Variants in LRP2 observed in about 807,000 individuals in gnomAD.
LRP2 encodes low-density lipoprotein receptor-related protein 2.
A neutral mutation model predicts 531.0 loss-of-function variants in LRP2; 172 were observed. That is an observed-to-expected ratio of 0.32 (90% CI 0.29 to 0.37). LRP2 has a LOEUF of 0.37. Among genes scored for constraint, LRP2 ranks in the 10% least tolerant of loss-of-function variants. The pLI, the probability that LRP2 is intolerant of heterozygous loss-of-function variation, is 1.00. For synonymous variants in LRP2, 1,992 were observed against 2,027.6 expected, an observed-to-expected ratio of 0.98 and a Z score of 0.47; for missense variants, 5,167 against 5,868.3, an observed-to-expected ratio of 0.88 and a Z score of 3.90.
At chr2:169,361,109 G>A (rs1686136484) in intron 1 of LRP2, among the ~76,000 whole-genome samples, 1 of 152,096 alleles carries the variant, frequency 6.6e-6, no homozygotes, top group Non-Finnish European at 1.5e-5. Flanking sequence ...CCGACGGGAG[G>A]GAAGGAGCAG....
intron 1 of LRP2, among the ~76,000 whole-genome samples, chr2:169,350,173 A>T (rs1424335544): frequency 6.6e-6 from 1 of 152,208 alleles, no homozygotes; most frequent in East Asian, 1.9e-4. Flanking sequence ...AGTAGGATAC[A>T]GTTTGAGGCT....
chr2:169,205,679 C>T (rs767811630), intron 40 of LRP2, 42 bp from the exon 41 acceptor site: 6 of 1,567,526 alleles, frequency 3.8e-6, no homozygotes, highest in South Asian at 1.1e-5. Flanking sequence ...CACAGGGAAC[C>T]TCATAGTCCT....
At chr2:169,343,520 C>T (rs769074128) in intron 1 of LRP2, among the ~76,000 whole-genome samples, 23 of 152,144 alleles carry the variant, frequency 1.5e-4, no homozygotes, top group African/African-American at 5.6e-4. Flanking sequence ...GAATGCTCAC[C>T]AAGTGCCAGG....
chr2:169,232,118 A>C (rs552063848), intron 30 of LRP2, among the ~76,000 whole-genome samples: 3 of 152,302 alleles, frequency 2.0e-5, no homozygotes, highest in Admixed American at 2.0e-4. Context: ...GATTACGAAC[A>C]AACAGCCACT....
chr2:169,243,860 A>G (rs1689906152), intron 22 of LRP2, among the ~76,000 whole-genome samples: 2 of 152,176 alleles, frequency 1.3e-5, no homozygotes, highest in South Asian at 4.1e-4. Context: ...AAGCCAAGCA[A>G]TGGAGCCCAA....
At chr2:169,216,807 C>G (rs1246504080) in intron 34 of LRP2, among the ~76,000 whole-genome samples, 1 of 152,142 alleles carries the variant, frequency 6.6e-6, no homozygotes, top group Non-Finnish European at 1.5e-5. Flanking sequence ...AAAAAGCTGC[C>G]AAGTACACTC....
At chr2:169,247,588 A>G in intron 19 of LRP2, 73 bp from the exon 20 acceptor site, 1 of 1,510,334 alleles carries the variant, frequency 6.6e-7, no homozygotes, top group Non-Finnish European at 9.2e-7. Flanking sequence ...GAGAAAATGC[A>G]ATAGGCTTGA....
rs1687839627 is a variant in LRP2 at position 169,191,812 on chromosome 2, C to A, written c.9032+20G>T. On this transcript the variant is annotated intron_variant, in intron 48 of 78. Coordinates refer to ENST00000649046, the MANE Select transcript of LRP2 (RefSeq NM_004525.3). ...TGGACATTTGAGGCATGCTGGGTAA[C>A]TTCTGAATCCTCAATTCACCTGAAT... 1.2e-6 allele frequency: 2 copies of A among 1,611,738 alleles called. No individual in the cohort carries two copies. Among genetic ancestry groups the A allele is most frequent in the East Asian group, 2.2e-5 (1 of 44,876 alleles).
intron 35 of LRP2, 107 bp from the exon 36 acceptor site, chr2:169,213,977 C>T (rs1559020880): frequency 3.9e-6 from 3 of 767,802 alleles, no homozygotes; most frequent in Non-Finnish European, 6.8e-6. Context: ...ATACAGCCCT[C>T]TATCCCTTAC....
chr2:169,183,237 G>A (rs1687505978), intron 50 of LRP2, among the ~76,000 whole-genome samples: 1 of 152,188 alleles, frequency 6.6e-6, no homozygotes, highest in South Asian at 2.1e-4. Flanking sequence ...CATTCATGCT[G>A]GATATCTGAA....
intron 1 of LRP2, among the ~76,000 whole-genome samples, chr2:169,324,519 C>T (rs1431644988): frequency 6.6e-6 from 1 of 150,460 alleles, no homozygotes; most frequent in Non-Finnish European, 1.5e-5. Flanking sequence ...AAAATTGCAG[C>T]AATTGAAAGC....
chr2:169,243,562 T>C (rs1689892567), intron 22 of LRP2, 40 bp from the exon 23 acceptor site: 3 of 1,613,044 alleles, frequency 1.9e-6, no homozygotes, highest in Admixed American at 1.7e-5. Flanking sequence ...GTTTATTTCC[T>C]GTGCAACAAG....
At chr2:169,313,947 C>T (rs140816020) in intron 3 of LRP2, among the ~76,000 whole-genome samples, 7 of 152,178 alleles carry the variant, frequency 4.6e-5, no homozygotes, top group Non-Finnish European at 1.0e-4. Flanking sequence ...TAGATATCAG[C>T]GTTCTGCAAA....
intron 1 of LRP2, among the ~76,000 whole-genome samples, chr2:169,353,937 G>A (rs969733673): frequency 2.0e-5 from 3 of 152,208 alleles, no homozygotes; most frequent in Non-Finnish European, 4.4e-5. Context: ...GCTGCAGGGA[G>A]CCATGCACTC....
chr2:169,145,120 T>G (rs1242744883), intron 70 of LRP2, among the ~76,000 whole-genome samples: 1 of 152,200 alleles, frequency 6.6e-6, no homozygotes, highest in South Asian at 2.1e-4. Context: ...ATGGCTGAAT[T>G]AACACTGAAG....
In LRP2 at chr2:169,175,174, A is replaced by G. The variant is rs753108504; in HGVS notation, c.10768+19T>C. ...CAACATAGAAGTCGGAAAAAGAGGC[A>G]TAAAGCGACTCAACACACCACAAAG... On this transcript the variant is annotated intron_variant, in intron 55 of 78. Transcript: ENST00000649046. The G allele has an allele frequency of 6.2e-7, 1 of 1,613,318 alleles. No individual in the cohort carries two copies. The highest frequency in any genetic ancestry group is 1.3e-5 in the African/African-American group (1 of 74,916).
chr2:169,343,092 A>G (rs1685608862), intron 1 of LRP2, among the ~76,000 whole-genome samples: 1 of 152,178 alleles, frequency 6.6e-6, no homozygotes, highest in South Asian at 2.1e-4. Flanking sequence ...TGCTTCCATC[A>G]TTCCTGTTCT....
chr2:169,243,625 T>A, intron 22 of LRP2, 103 bp from the exon 23 acceptor site: 1 of 1,377,262 alleles, frequency 7.3e-7, no homozygotes, highest in Non-Finnish European at 1.0e-6. Flanking sequence ...ATCTCAATTG[T>A]ACATGGGTTC....
intron 66 of LRP2, among the ~76,000 whole-genome samples, chr2:169,153,868 A>G (rs544794935): frequency 3.9e-5 from 6 of 152,302 alleles, no homozygotes; most frequent in Admixed American, 3.9e-4. Context: ...ATTCAACTAA[A>G]TTTTTTGATC....
Sources: allele counts gnomAD v4.1 joint callset (sites outside exome capture counted in the v4.1 genomes callset), GRCh38; gene constraint gnomAD v4.1.1; transcripts MANE v1.5; gene names NCBI Gene and HGNC (gene_info 2026-07-23, HGNC 2026-07-21).